Variants in ITPR1 observed in about 807,000 individuals in gnomAD.
ITPR1 encodes the protein inositol 1,4,5-trisphosphate receptor type 1.
In ITPR1, 96 loss-of-function variants were observed where a neutral mutation model predicts 318.4. That is an observed-to-expected ratio of 0.30 (90% CI 0.26 to 0.36). The LOEUF is 0.36. ITPR1 is among the 10% of genes least tolerant of loss of function. The probability of loss-of-function intolerance (pLI) is 1.00; values close to 1 mark genes in which losing one functional copy is unlikely to be tolerated. For missense variants in ITPR1, 2,440 were observed against 3,460.2 expected (o/e 0.71, Z 7.40); for synonymous variants, 1,312 against 1,289.9 (o/e 1.02, Z -0.37).
Position 4,730,272 on chromosome 3 carries a change from TA to T in ITPR1, c.5221-2814del, listed in dbSNP as rs1272024559. Among the ~76,000 whole-genome samples the T allele has an allele frequency of 8.4e-4, 105 of 125,196 alleles. 3 individuals carry two copies. The East Asian group carries it at 0.05, about 60-fold the overall frequency. 82.1% of individuals were successfully genotyped at this position (125,196 alleles called of 152,430 possible). On this transcript the variant is annotated intron_variant, in intron 42 of 61. Transcript: ENST00000649015. ...TCTCTGGTTTTTCTTCCTTGCAGTT[TA>T]ATTGTGTGTGTGTGTGTATGTGTGT...
At chr3:4,671,448 C>G (rs2094080319) in intron 20 of ITPR1, 1 of 152,296 alleles carries the variant, frequency 6.6e-6, no homozygotes, top group South Asian at 2.1e-4. Context: ...TGTACTTACA[C>G]TAATACTTCC....
At chr3:4,699,347 A>G (rs2094606403) in intron 34 of ITPR1, among the ~76,000 whole-genome samples, 1 of 137,166 alleles carries the variant, frequency 7.3e-6, no homozygotes, top group Non-Finnish European at 1.7e-5. Context: ...ACAGCGTGAG[A>G]CTCTATCTCA....
rs1242013699 is a variant in ITPR1, at chr3:4,591,978, T to G, written c.164-35785T>G. ...AGTTAGGTCTTAGAACTTCTTTTAT[T>G]TTGTATCCTTTGAGATCAGTCTTCC... On this transcript the variant is annotated intron_variant, in intron 4 of 61. Transcript: ENST00000649015. 3.3e-5 allele frequency among the ~76,000 whole-genome samples: 5 copies of G among 152,236 alleles called. No individual in the cohort carries two copies. The East Asian group carries it at 9.6e-4, about 29-fold the overall frequency.
chr3:4,523,680 T>C (rs1279257050), intron 4 of ITPR1, among the ~76,000 whole-genome samples: 1 of 152,236 alleles, frequency 6.6e-6, no homozygotes, highest in Non-Finnish European at 1.5e-5. Context: ...GGTATTCGTC[T>C]TTCTGTGCCT....
At chr3:4,663,231 G>T (rs1473640388) in intron 16 of ITPR1, 25 bp downstream of exon 16, 3 of 1,589,800 alleles carry the variant, frequency 1.9e-6, no homozygotes, top group African/African-American at 1.3e-5. Flanking sequence ...GCGTACTGGG[G>T]ATTTGGCTTT....
intron 4 of ITPR1, among the ~76,000 whole-genome samples, chr3:4,523,995 TTTG>T (rs2082768850): frequency 1.3e-5 from 2 of 152,314 alleles, no homozygotes; most frequent in African/African-American, 4.8e-5. Context: ...AGTGACTTGA[TTTG>T]TTGAGTGCTT....
At chr3:4,611,025 T>TCTTC (rs1465041141) in intron 4 of ITPR1, among the ~76,000 whole-genome samples, 4 of 14,730 alleles carry the variant, frequency 2.7e-4, no homozygotes, top group Non-Finnish European at 3.8e-4. Flanking sequence ...CCCTTCCCCT[T>TCTTC]CCTCCCTCCC....
chr3:4,708,149 T>C (rs548789633), intron 37 of ITPR1, among the ~76,000 whole-genome samples: 11 of 152,116 alleles, frequency 7.2e-5, no homozygotes, highest in Non-Finnish European at 1.3e-4. Context: ...ACAGCAGGAC[T>C]TAAAGAATAA....
At chr3:4,736,668 T>C (rs1044544820) in intron 44 of ITPR1, among the ~76,000 whole-genome samples, 21 of 152,200 alleles carry the variant, frequency 1.4e-4, no homozygotes, top group African/African-American at 4.6e-4. Flanking sequence ...TTGGGATTGC[T>C]TTTTATTTTG....
In ITPR1 at chr3:4,689,764, A is replaced by G. The variant is rs2094452116; in HGVS notation, c.3828+1144A>G. Among the ~76,000 whole-genome samples the G allele has an allele frequency of 2.0e-5, 3 of 152,236 alleles. No homozygotes were observed. In the South Asian group the frequency reaches 6.2e-4, roughly 32 times the overall value. The stretch of plus-strand genomic sequence containing the variant: ...TGAGAATCTTCATGGCTGTGTGGTA[A>G]GCAAAATTTTCTTACAAGGCATGCA... On this transcript the variant is annotated intron_variant, in intron 31 of 61. Coordinates refer to ENST00000649015, the MANE Select transcript of ITPR1 (RefSeq NM_001378452.1).
At chr3:4,542,686 G>C (rs201907078) in intron 4 of ITPR1, among the ~76,000 whole-genome samples, 3 of 125,186 alleles carry the variant, frequency 2.4e-5, no homozygotes, top group African/African-American at 8.2e-5. Flanking sequence ...TGTGTGGCGG[G>C]GGGGTGGGTC....
intron 4 of ITPR1, among the ~76,000 whole-genome samples, chr3:4,605,342 C>G (rs2101694): frequency 6.6e-6 from 1 of 151,892 alleles, no homozygotes; most frequent in African/African-American, 2.4e-5. Context: ...TGGCAACTGA[C>G]TGCAGTACCT....
intron 39 of ITPR1, 24 bp downstream of exon 39, chr3:4,711,892 C>A: frequency 1.6e-6 from 2 of 1,279,942 alleles, no homozygotes; most frequent in South Asian, 2.9e-5. Flanking sequence ...TTTTCATGGT[C>A]AAACCAGGTT....
chr3:4,647,558 A>G (rs1434796667), intron 10 of ITPR1, among the ~76,000 whole-genome samples: 1 of 152,190 alleles, frequency 6.6e-6, no homozygotes, highest in Non-Finnish European at 1.5e-5. Context: ...ACATTCCCAC[A>G]AGTAATGTGT....
chr3:4,531,030 G>A (rs770370952), intron 4 of ITPR1, among the ~76,000 whole-genome samples: 1 of 152,072 alleles, frequency 6.6e-6, no homozygotes, highest in Non-Finnish European at 1.5e-5. Flanking sequence ...GCATGCTTTT[G>A]TTCTTGACCG....
chr3:4,795,858 C>A (rs949033249), intron 53 of ITPR1, among the ~76,000 whole-genome samples: 1 of 152,084 alleles, frequency 6.6e-6, no homozygotes, highest in African/African-American at 2.4e-5. Flanking sequence ...TATTTGGGGC[C>A]CCTCGACAAG....
At chr3:4,599,091 T>C (rs553620736) in intron 4 of ITPR1, among the ~76,000 whole-genome samples, 168 of 152,260 alleles carry the variant, frequency 1.1e-3, no homozygotes, top group African/African-American at 3.7e-3. Context: ...GAGACTAATA[T>C]TGAGAATACT....
At chr3:4,814,684 G>A (rs1053007234) in intron 58 of ITPR1, 122 bp downstream of exon 58, 2 of 878,720 alleles carry the variant, frequency 2.3e-6, no homozygotes, top group Non-Finnish European at 3.5e-6. Flanking sequence ...GTAGGGCTGA[G>A]TAGCTGCGGA....
At chr3:4,666,551 C>T (rs894166760) in intron 17 of ITPR1, among the ~76,000 whole-genome samples, 6 of 152,194 alleles carry the variant, frequency 3.9e-5, no homozygotes, top group Non-Finnish European at 7.3e-5. Flanking sequence ...TACCAGTTGG[C>T]AGATGATAAG....
Sources: gnomAD v4.1 joint callset for allele counts (sites outside exome capture counted in the v4.1 genomes callset) on GRCh38, gnomAD v4.1.1 for gene constraint, MANE v1.5 for transcripts, NCBI Gene and HGNC (gene_info 2026-07-23, HGNC 2026-07-21) for gene names.